The following SGCZ variants were observed in gnomAD, a reference collection of about 807,000 sequenced individuals.
The protein encoded by SGCZ is zeta-sarcoglycan.
SGCZ carries 40 observed loss-of-function variants against 41.3 expected under a neutral mutation model. The ratio of observed to expected loss-of-function variants is 0.97; its 90% CI spans 0.75 to 1.26. The LOEUF (loss-of-function observed/expected upper bound fraction) is 1.26, where lower values mean the gene tolerates loss of function less well. Ranked by LOEUF, SGCZ falls within the 50% of genes most tolerant of loss-of-function variation. The probability of loss-of-function intolerance (pLI) is 0.00; values close to 1 mark genes in which losing one functional copy is unlikely to be tolerated. For missense variants in SGCZ, 552 were observed against 369.8 expected, an observed-to-expected ratio of 1.49 and a Z score of -4.04; for synonymous variants, 206 against 137.5, an observed-to-expected ratio of 1.50 and a Z score of -3.49.
chr8:14,295,382 G>C (rs1403590218), intron 3 of SGCZ, among the ~76,000 whole-genome samples: 1 of 152,068 alleles, frequency 6.6e-6, no homozygotes, highest in South Asian at 2.1e-4. Context: ...TCTGGACACG[G>C]TGTTGTCACT....
intron 3 of SGCZ, among the ~76,000 whole-genome samples, chr8:14,248,165 T>C (rs1799171016): frequency 6.6e-6 from 1 of 152,178 alleles, no homozygotes; most frequent in African/African-American, 2.4e-5. Context: ...CTGGTAGATT[T>C]TTCAAACCAA....
intron 1 of SGCZ, among the ~76,000 whole-genome samples, chr8:15,014,306 C>A (rs554500493): frequency 6.6e-6 from 1 of 152,274 alleles, no homozygotes; most frequent in East Asian, 1.9e-4. Flanking sequence ...GTGGTGTCAG[C>A]CCCCCAAGGC....
At chr8:14,991,422 T>C (rs575808038) in intron 1 of SGCZ, among the ~76,000 whole-genome samples, 1 of 152,190 alleles carries the variant, frequency 6.6e-6, no homozygotes, top group Non-Finnish European at 1.5e-5. Context: ...TGTATGAGCA[T>C]TGGAGTTTGA....
At chr8:14,544,589 A>C (rs7010645) in intron 2 of SGCZ, among the ~76,000 whole-genome samples, 34,403 of 151,824 alleles carry the variant, frequency 0.23, 4,537 homozygotes, top group African/African-American at 0.37. Flanking sequence ...AATGGTCGCT[A>C]TGGGAATGTC....
At chr8:14,304,266 A>G (rs1237683033) in intron 3 of SGCZ, among the ~76,000 whole-genome samples, 1 of 151,886 alleles carries the variant, frequency 6.6e-6, no homozygotes, top group Admixed American at 6.6e-5. Flanking sequence ...AACATGGTAA[A>G]TACCGTCTAC....
chr8:14,402,898 A>G (rs1273322082), intron 2 of SGCZ, among the ~76,000 whole-genome samples: 1 of 149,726 alleles, frequency 6.7e-6, no homozygotes, highest in Non-Finnish European at 1.5e-5. Context: ...CATTTTCACG[A>G]TATTGATTCT....
At chr8:15,001,728 CAAAAAAAA>C (rs1223307583) in intron 1 of SGCZ, among the ~76,000 whole-genome samples, 8 of 81,044 alleles carry the variant, frequency 9.9e-5, no homozygotes, top group East Asian at 3.5e-4. Flanking sequence ...GACTCCGTCT[CAAAAAAAA>C]AAAAAAAAAA....
intron 2 of SGCZ, among the ~76,000 whole-genome samples, chr8:14,407,183 C>G (rs756419455): frequency 2.0e-5 from 3 of 150,682 alleles, no homozygotes; most frequent in Non-Finnish European, 2.9e-5. Context: ...ATTCTCCTGC[C>G]TCAGCCTCCT....
chr8:14,681,806 G>C (rs1808455031), intron 1 of SGCZ, among the ~76,000 whole-genome samples: 1 of 152,002 alleles, frequency 6.6e-6, no homozygotes, highest in African/African-American at 2.4e-5. Flanking sequence ...TTCTCCTCTT[G>C]CATGGCAGGA....
chr8:15,005,269 C>G (rs1438884174), intron 1 of SGCZ, among the ~76,000 whole-genome samples: 1 of 151,924 alleles, frequency 6.6e-6, no homozygotes, highest in South Asian at 2.1e-4. Flanking sequence ...GGTTTCAAAC[C>G]CACATCGTCT....
At chr8:14,396,819 G>C (rs1049800181) in intron 2 of SGCZ, among the ~76,000 whole-genome samples, 14 of 151,864 alleles carry the variant, frequency 9.2e-5, no homozygotes, top group Non-Finnish European at 1.5e-4. Flanking sequence ...CCCAGGTTAA[G>C]TCACAACCCT....
At chr8:14,646,480 G>A (rs1031730208) in intron 1 of SGCZ, among the ~76,000 whole-genome samples, 3 of 151,946 alleles carry the variant, frequency 2.0e-5, no homozygotes, top group East Asian at 3.9e-4. Context: ...CTTAGGTTGA[G>A]TCCGTGTTTT....
chr8:14,431,613 T>G (rs932659577), intron 2 of SGCZ, among the ~76,000 whole-genome samples: 1 of 152,144 alleles, frequency 6.6e-6, no homozygotes, highest in Admixed American at 6.6e-5. Context: ...AAACTCTTCT[T>G]GACATTGGCT....
chr8:14,560,347 T>A (rs1804171616), intron 1 of SGCZ, among the ~76,000 whole-genome samples: 1 of 151,778 alleles, frequency 6.6e-6, no homozygotes, highest in Non-Finnish European at 1.5e-5. Context: ...TATATATATA[T>A]GTATAAATTT....
Position 14,766,314 on chromosome 8 carries a change from A to T in SGCZ, c.40-211388T>A, listed in dbSNP as rs913430833. Among the ~76,000 whole-genome samples the T allele has an allele frequency of 2.0e-5, 3 of 152,196 alleles. 1 individual carries two copies. Among genetic ancestry groups the T allele is most frequent in the Admixed American group, 6.5e-5 (1 of 15,276 alleles). ...TAAATATGCAAAAATAAAAATATAT[A>T]TATTATAAGGTTGACTTGGGGTATA... On this transcript the variant is annotated intron_variant, in intron 1 of 7. Coordinates refer to ENST00000382080, the MANE Select transcript of SGCZ (RefSeq NM_139167.4).
chr8:14,723,068 G>C (rs1298432956), intron 1 of SGCZ, among the ~76,000 whole-genome samples: 1 of 152,046 alleles, frequency 6.6e-6, no homozygotes, highest in Admixed American at 6.6e-5. Context: ...TGCTAGGCAG[G>C]TTCAAAAGAA....
intron 2 of SGCZ, among the ~76,000 whole-genome samples, chr8:14,411,145 G>A (rs1172524618): frequency 1.3e-5 from 2 of 151,948 alleles, no homozygotes; most frequent in Non-Finnish European, 2.9e-5. Context: ...TGCTATTATT[G>A]AGATTAAGTT....
intron 2 of SGCZ, among the ~76,000 whole-genome samples, chr8:14,390,661 T>C (rs537730215): frequency 1.3e-3 from 199 of 152,082 alleles, no homozygotes; most frequent in Non-Finnish European, 1.8e-3. Context: ...GCAGTCATTT[T>C]AGGTTGACAC....
At chr8:14,903,467 T>C (rs913350535) in intron 1 of SGCZ, among the ~76,000 whole-genome samples, 1 of 152,056 alleles carries the variant, frequency 6.6e-6, no homozygotes, top group Non-Finnish European at 1.5e-5. Flanking sequence ...AAAAAGTAAA[T>C]GCAAATGGGT....
Sources: allele counts gnomAD v4.1 joint callset (sites outside exome capture counted in the v4.1 genomes callset), GRCh38; gene constraint gnomAD v4.1.1; transcripts MANE v1.5; gene names NCBI Gene and HGNC (gene_info 2026-07-23, HGNC 2026-07-21).